The following CD1B variants were observed in gnomAD, a reference collection of about 807,000 sequenced individuals.
The protein encoded by CD1B is CD1b molecule, also known as T-cell surface glycoprotein CD1b.
A neutral mutation model predicts 39.8 loss-of-function variants in CD1B; 43 were observed. That is an observed-to-expected ratio of 1.08 (90% CI 0.85 to 1.39). The LOEUF (loss-of-function observed/expected upper bound fraction) is 1.39. Ranked by LOEUF, CD1B falls within the 40% of genes most tolerant of loss-of-function variation. The probability of loss-of-function intolerance (pLI) is 0.00; values close to 1 mark genes in which losing one functional copy is unlikely to be tolerated. For synonymous variants in CD1B, 192 were observed against 152.5 expected (o/e 1.26, Z -1.91); for missense variants, 495 against 403.8 (o/e 1.23, Z -1.94).
chr1:158,297,938 G>A, the CD1B span, among the ~76,000 whole-genome samples: 1 of 116,610 alleles, frequency 8.6e-6, no homozygotes, highest in African/African-American at 3.8e-5. Context: ...CCTGTCTCAC[G>A]TTAAAAAAGA....
At chr1:158,314,822 A>G in the CD1B span, among the ~76,000 whole-genome samples, 1 of 108,684 alleles carries the variant, frequency 9.2e-6, no homozygotes, top group Non-Finnish European at 1.9e-5. Context: ...CCACCCCACA[A>G]CAGTCCCCAG....
At chr1:158,300,379 T>G in the CD1B span, among the ~76,000 whole-genome samples, 2 of 152,182 alleles carry the variant, frequency 1.3e-5, no homozygotes, top group Admixed American at 6.5e-5. Context: ...TTACATTTGC[T>G]GAGGAGTGCT....
chr1:158,291,338 G>A, the CD1B span: 96 of 1,614,056 alleles, frequency 5.9e-5, no homozygotes, highest in Admixed American at 1.2e-4. Context: ...TTGTTATTTC[G>A]TTTCTACCTC....
chr1:158,308,787 G>T, the CD1B span, among the ~76,000 whole-genome samples: 1 of 152,126 alleles, frequency 6.6e-6, no homozygotes, highest in Non-Finnish European at 1.5e-5. Context: ...TATGTAGAAA[G>T]CTGAAACTGG....
chr1:158,314,502 G>T, the CD1B span, among the ~76,000 whole-genome samples: 3 of 151,866 alleles, frequency 2.0e-5, no homozygotes, highest in East Asian at 1.9e-4. Context: ...ACTAGTTTTG[G>T]CTTGATGTTG....
the CD1B span, among the ~76,000 whole-genome samples, chr1:158,298,098 T>C: frequency 2.6e-5 from 4 of 152,208 alleles, no homozygotes; most frequent in African/African-American, 9.6e-5. Context: ...TTGCTATTTT[T>C]ATTTCAGACA....
the CD1B span, chr1:158,290,207 T>G: frequency 8.0e-7 from 1 of 1,251,474 alleles, no homozygotes; most frequent in South Asian, 1.3e-5. Flanking sequence ...TCAATAGAGA[T>G]GCCAGAATGC....
In CD1B at chr1:158,328,020, C is replaced by T; in HGVS notation, c.*216G>A. ...TCTAACATTTTAATGTGTGTAAAAT[C>T]AGGGTGAATCACACTGTTAGTACAG... On this transcript the variant is annotated 3_prime_UTR_variant, in exon 6 of 6. Coordinates refer to ENST00000368168, the MANE Select transcript of CD1B (RefSeq NM_001764.3). 2.2e-6 allele frequency: 1 copy of T among 452,368 alleles called. No individual in the cohort carries two copies. Among genetic ancestry groups the T allele is most frequent in the Non-Finnish European group, 3.9e-6 (1 of 254,812 alleles). The allele number at this position is 452,368 out of a possible 1,614,324, so 28.0% of individuals were successfully genotyped here.
the CD1B span, among the ~76,000 whole-genome samples, chr1:158,295,258 A>T: frequency 2.0e-5 from 3 of 152,068 alleles, no homozygotes; most frequent in East Asian, 5.8e-4. Flanking sequence ...GAGTGGATGG[A>T]GGGAGAATGC....
intron 4 of CD1B, 105 bp downstream of exon 4, chr1:158,329,265 T>G: frequency 7.4e-7 from 1 of 1,357,618 alleles, no homozygotes; most frequent in Admixed American, 2.3e-5. Flanking sequence ...AATCAATCAA[T>G]CTCTCCCTCT....
the CD1B span, among the ~76,000 whole-genome samples, chr1:158,315,532 A>G: frequency 6.6e-6 from 1 of 151,308 alleles, no homozygotes; most frequent in Non-Finnish European, 1.5e-5. Context: ...AATTTGTTTG[A>G]GTTCATTGTA....
At chr1:158,291,083 CCTCT>C in the CD1B span, 2 of 1,520,358 alleles carry the variant, frequency 1.3e-6, no homozygotes, top group Non-Finnish European at 1.8e-6. Context: ...ATTTTCCTTG[CCTCT>C]CTTTTTTTTT....
chr1:158,296,480 A>C, the CD1B span, among the ~76,000 whole-genome samples: 1 of 152,230 alleles, frequency 6.6e-6, no homozygotes, highest in East Asian at 1.9e-4. Flanking sequence ...TTTAAGGAAC[A>C]TCAGCCCACA....
chr1:158,321,655 C>A, the CD1B span, among the ~76,000 whole-genome samples: 6 of 152,134 alleles, frequency 3.9e-5, no homozygotes, highest in Non-Finnish European at 7.3e-5. Flanking sequence ...TGATTCACTG[C>A]TGTTTATCTT....
chr1:158,290,093 CTCT>C, the CD1B span: 92 of 1,613,706 alleles, frequency 5.7e-5, no homozygotes, highest in African/African-American at 1.1e-3. Context: ...CTGCTGCTAG[CTCT>C]TCTTCTCCCA....
At chr1:158,291,232 C>A in the CD1B span, 2 of 1,614,106 alleles carry the variant, frequency 1.2e-6, no homozygotes, top group Non-Finnish European at 8.5e-7. Context: ...GGACGAGTTG[C>A]AGACTCATGG....
In CD1B at chr1:158,331,456, G is replaced by A. The variant is rs1344256330; in HGVS notation, c.-33C>T. 1.3e-6 allele frequency: 2 copies of A among 1,582,676 alleles called. No homozygotes were observed. Among genetic ancestry groups the A allele is most frequent in the South Asian group, 1.1e-5 (1 of 89,908 alleles). ...GGAGATGCAACTTCTTACTGGCAGA[G>A]CTGGTATTTGATCTCCAATTTCAGC... On this transcript the variant is annotated 5_prime_UTR_variant, in exon 1 of 6. Coordinates refer to ENST00000368168, the MANE Select transcript of CD1B (RefSeq NM_001764.3).
At chr1:158,290,137 G>A in the CD1B span, 6 of 1,610,996 alleles carry the variant, frequency 3.7e-6, no homozygotes, top group African/African-American at 1.3e-5. Flanking sequence ...TAAGAACATC[G>A]CTGTCAGCTG....
the CD1B span, among the ~76,000 whole-genome samples, chr1:158,309,321 G>A: frequency 6.6e-6 from 1 of 152,168 alleles, no homozygotes; most frequent in Admixed American, 6.5e-5. Flanking sequence ...TCATTAAAAG[G>A]TCAGGAAACA....
Sources: allele counts gnomAD v4.1 joint callset (sites outside exome capture counted in the v4.1 genomes callset), GRCh38; gene constraint gnomAD v4.1.1; transcripts MANE v1.5; gene names NCBI Gene and HGNC (gene_info 2026-07-23, HGNC 2026-07-21).